The following ROBO1 variants were observed in gnomAD, a reference collection of about 807,000 sequenced individuals.
ROBO1 encodes the protein roundabout guidance receptor 1.
ROBO1 carries 149 observed loss-of-function variants against 195.9 expected under a neutral mutation model. The ratio of observed to expected loss-of-function variants is 0.76; its 90% confidence interval spans 0.67 to 0.87. The LOEUF (loss-of-function observed/expected upper bound fraction) is 0.87. ROBO1 is among the 40% of genes least tolerant of loss of function. ROBO1 has a pLI of 0.00. For synonymous variants in ROBO1, 816 were observed against 733.2 expected (o/e 1.11, Z -1.82); for missense variants, 1,933 against 2,068.3 (o/e 0.93, Z 1.27).
intron 3 of ROBO1, among the ~76,000 whole-genome samples, chr3:79,059,780 T>C (rs576555881): frequency 1.3e-5 from 2 of 151,980 alleles, no homozygotes; most frequent in Non-Finnish European, 2.9e-5. Flanking sequence ...AAACTGAGGA[T>C]GTATGTTGCC....
intron 4 of ROBO1, among the ~76,000 whole-genome samples, chr3:78,917,099 G>GTTTTTTT (rs756798186): frequency 7.9e-6 from 1 of 127,338 alleles, no homozygotes; most frequent in Non-Finnish European, 1.6e-5. Context: ...TTTGTTTTTC[G>GTTTTTTT]TTTTTTTTTT....
intron 2 of ROBO1, among the ~76,000 whole-genome samples, chr3:79,537,023 G>A (rs1941894577): frequency 7.8e-6 from 1 of 127,754 alleles, no homozygotes; most frequent in South Asian, 2.5e-4. Flanking sequence ...TATACTCACA[G>A]TAAAAGAAAC....
intron 2 of ROBO1, among the ~76,000 whole-genome samples, chr3:79,560,530 A>ATT (rs1942874176): frequency 2.1e-5 from 2 of 94,154 alleles, no homozygotes; most frequent in Non-Finnish European, 4.0e-5. Context: ...GTATAATAAT[A>ATT]ATAATTATAT....
intron 19 of ROBO1, 86 bp downstream of exon 19, chr3:78,651,646 G>T: frequency 9.1e-7 from 1 of 1,103,456 alleles, no homozygotes; most frequent in Non-Finnish European, 1.3e-6. Context: ...TAGAGGATAT[G>T]CATAATCATG....
intron 2 of ROBO1, among the ~76,000 whole-genome samples, chr3:79,540,547 C>T (rs563998613): frequency 5.3e-5 from 8 of 152,156 alleles, no homozygotes; most frequent in South Asian, 2.1e-4. Context: ...CATGTTCTAC[C>T]GATAATAATC....
At chr3:79,314,546 C>T (rs2033645409) in intron 2 of ROBO1, among the ~76,000 whole-genome samples, 1 of 152,222 alleles carries the variant, frequency 6.6e-6, no homozygotes, top group East Asian at 1.9e-4. Flanking sequence ...CCATGCTCAA[C>T]TGTGAGTCAA....
At chr3:79,197,240 C>G (rs534547987) in intron 2 of ROBO1, among the ~76,000 whole-genome samples, 1 of 151,956 alleles carries the variant, frequency 6.6e-6, no homozygotes, top group East Asian at 1.9e-4. Flanking sequence ...TCCCTGTGTC[C>G]ATGTGTTCTC....
intron 2 of ROBO1, among the ~76,000 whole-genome samples, chr3:79,391,851 CTTA>C (rs1383551784): frequency 6.6e-6 from 1 of 152,056 alleles, no homozygotes; most frequent in Non-Finnish European, 1.5e-5. Context: ...AAACAAAGTT[CTTA>C]TGATAAGATG....
chr3:78,805,675 T>C (rs2084515046), intron 4 of ROBO1, among the ~76,000 whole-genome samples: 1 of 152,072 alleles, frequency 6.6e-6, no homozygotes, highest in Non-Finnish European at 1.5e-5. Context: ...ACTTCCATGA[T>C]ATCTTTCAAT....
rs2039970478 is a variant in ROBO1 at position 78,938,924 on chromosome 3, G to A, written c.176C>T (p.Ser59Phe). Reference sequence around the variant, plus strand: ...TGGAAAATCTTCCTGACGAAGACGGGAGCCTGCAGAAGAATTCACAAAATA... The same window carrying A: ...TGGAAAATCTTCCTGACGAAGACGGAAGCCTGCAGAAGAATTCACAAAATA... ...NDDNSLGYTG[S>F]RLRQEDFPPR... The change falls in exon 4 of 31, where the codon TCC becomes TTC. Residue 59 changes from serine to phenylalanine, a missense_variant. This residue lies in a region of ROBO1 where 185 missense variants were observed against 159.5 expected (regional missense o/e 1.16). Transcript: ENST00000464233. The A allele has an allele frequency of 1.9e-6, 3 of 1,603,536 alleles. No homozygotes were observed. Among genetic ancestry groups the A allele is most frequent in the Non-Finnish European group, 2.6e-6 (3 of 1,174,782 alleles).
chr3:79,511,065 G>T (rs1940677651), intron 2 of ROBO1, among the ~76,000 whole-genome samples: 1 of 152,066 alleles, frequency 6.6e-6, no homozygotes, highest in Non-Finnish European at 1.5e-5. Context: ...GACTCTTCAA[G>T]ATACTCGGGA....
chr3:78,747,882 T>C (rs2082695073), intron 4 of ROBO1, among the ~76,000 whole-genome samples: 1 of 152,162 alleles, frequency 6.6e-6, no homozygotes, highest in South Asian at 2.1e-4. Flanking sequence ...GGCATGTTAG[T>C]CTTAAATACA....
chr3:79,465,322 A>G (rs1033474247), intron 2 of ROBO1, among the ~76,000 whole-genome samples: 2 of 152,150 alleles, frequency 1.3e-5, no homozygotes, highest in African/African-American at 4.8e-5. Context: ...GAACTATCGC[A>G]AAAAAGATCC....
intron 2 of ROBO1, among the ~76,000 whole-genome samples, chr3:79,236,851 G>A (rs1413772578): frequency 2.0e-5 from 3 of 152,148 alleles, no homozygotes; most frequent in Admixed American, 2.0e-4. Context: ...AAACAGATGA[G>A]CAAAGAATAG....
intron 1 of ROBO1, among the ~76,000 whole-genome samples, chr3:79,685,589 G>C (rs890387986): frequency 2.6e-5 from 4 of 152,152 alleles, no homozygotes; most frequent in African/African-American, 9.7e-5. Context: ...CTGCCAAACA[G>C]GGCAGTTAAT....
intron 4 of ROBO1, among the ~76,000 whole-genome samples, chr3:78,898,448 C>T (rs910764171): frequency 1.1e-4 from 14 of 128,562 alleles, no homozygotes; most frequent in African/African-American, 3.9e-4. Flanking sequence ...AGTGCAGTGG[C>T]GTGATCTCGG....
chr3:78,613,955 G>A (rs1481142180), intron 28 of ROBO1, among the ~76,000 whole-genome samples: 4 of 152,178 alleles, frequency 2.6e-5, no homozygotes, highest in Non-Finnish European at 1.5e-5. Flanking sequence ...GAGTCTGAGA[G>A]AATTTATCTT....
At chr3:79,270,400 C>A (rs1368889996) in intron 2 of ROBO1, among the ~76,000 whole-genome samples, 1 of 151,062 alleles carries the variant, frequency 6.6e-6, no homozygotes, top group Non-Finnish European at 1.5e-5. Context: ...ATGTATGTGC[C>A]AATATTTATA....
intron 4 of ROBO1, among the ~76,000 whole-genome samples, chr3:78,895,623 A>G (rs183760693): frequency 2.0e-5 from 3 of 152,278 alleles, no homozygotes; most frequent in Admixed American, 6.5e-5. Flanking sequence ...GAAAAGCAAC[A>G]TTTTCCTTGG....
Sources: gnomAD v4.1 joint callset for allele counts (sites outside exome capture counted in the v4.1 genomes callset) on GRCh38, gnomAD v4.1.1 for gene constraint, gnomAD v4.1.1 regional missense constraint, MANE v1.5 for transcripts, NCBI Gene and HGNC (gene_info 2026-07-23, HGNC 2026-07-21) for gene names.